KMT2C: variants seen among roughly 807,000 people sequenced by gnomAD.
KMT2C encodes the protein lysine methyltransferase 2C.
In KMT2C, 88 loss-of-function variants were observed where a neutral mutation model predicts 507.9. That is an observed-to-expected ratio of 0.17 (90% confidence interval 0.15 to 0.21). The LOEUF (loss-of-function observed/expected upper bound fraction) is 0.21, where lower values mean the gene tolerates loss of function less well. Among genes scored for constraint, KMT2C ranks in the 10% least tolerant of loss-of-function variants. The pLI, the probability that KMT2C is intolerant of heterozygous loss-of-function variation, is 1.00. For missense variants in KMT2C, 4,954 were observed against 5,957.8 expected (o/e 0.83, Z 5.55); for synonymous variants, 2,049 against 2,080.8 (o/e 0.98, Z 0.42).
chr7:152,351,209 T>C (rs1397626996), intron 2 of KMT2C, among the ~76,000 whole-genome samples: 1 of 152,208 alleles, frequency 6.6e-6, no homozygotes, highest in Non-Finnish European at 1.5e-5. Flanking sequence ...ATAAAAAGTA[T>C]AGTATAGTAA....
At chr7:152,159,111 T>C (rs2092289506) in intron 43 of KMT2C, 39 bp from the exon 44 acceptor site, 1 of 1,588,442 alleles carries the variant, frequency 6.3e-7, no homozygotes, top group East Asian at 2.2e-5. Flanking sequence ...AGTGAACAAT[T>C]TGCATATTTG....
chr7:152,321,993 C>T (rs1403709316), intron 3 of KMT2C, among the ~76,000 whole-genome samples: 1 of 151,568 alleles, frequency 6.6e-6, no homozygotes, highest in Non-Finnish European at 1.5e-5. Flanking sequence ...ATGCTGGATG[C>T]ATCACCCTGT....
chr7:152,294,728 T>C (rs1228488597), intron 6 of KMT2C, among the ~76,000 whole-genome samples: 2 of 152,224 alleles, frequency 1.3e-5, no homozygotes, highest in Admixed American at 6.5e-5. Context: ...AATCTTATAA[T>C]ACAAAAACAC....
chr7:152,271,807 T>C (rs1399890575), intron 7 of KMT2C, among the ~76,000 whole-genome samples: 2 of 152,026 alleles, frequency 1.3e-5, no homozygotes, highest in Non-Finnish European at 2.9e-5. Context: ...TACTGCAAGG[T>C]GGCTACTTTA....
chr7:152,145,397 G>C lies in KMT2C; in HGVS notation c.14032-102C>G, dbSNP rs187620620. 59 of 1,161,498 alleles carry C rather than the reference G, an allele frequency of 5.1e-5. No homozygotes were observed. The African/African-American group carries it at 7.2e-4, about 14-fold the overall frequency. 71.9% of individuals were successfully genotyped at this position (1,161,498 alleles called of 1,614,324 possible). A position where few individuals can be genotyped will look rare whatever the true frequency, so the allele number is the denominator to read the frequency against. On this transcript the variant is annotated intron_variant, in intron 53 of 58. Coordinates refer to ENST00000262189, the MANE Select transcript of KMT2C (RefSeq NM_170606.3). ...GGCCCACGACAGAAATAACTCATCA[G>C]CGTTTTCCCCGATAATAAAATGGTC...
At chr7:152,267,243 C>A (rs1455871524) in intron 7 of KMT2C, among the ~76,000 whole-genome samples, 3 of 152,186 alleles carry the variant, frequency 2.0e-5, no homozygotes, top group African/African-American at 7.2e-5. Context: ...TATTATTGGC[C>A]CTAGAATTCT....
intron 18 of KMT2C, among the ~76,000 whole-genome samples, chr7:152,225,228 T>C (rs1004130597): frequency 2.6e-5 from 4 of 152,166 alleles, no homozygotes; most frequent in African/African-American, 9.7e-5. Flanking sequence ...AATATTAAGA[T>C]TGTGGAACTT....
chr7:152,297,479 A>C (rs562433570), intron 6 of KMT2C, among the ~76,000 whole-genome samples: 13 of 152,326 alleles, frequency 8.5e-5, no homozygotes, highest in Admixed American at 7.2e-4. Context: ...AACCATCAGA[A>C]ACAATGGGAG....
intron 43 of KMT2C, among the ~76,000 whole-genome samples, chr7:152,160,633 ATTTATATT>A (rs1197068061): frequency 2.0e-5 from 3 of 146,660 alleles, no homozygotes; most frequent in Non-Finnish European, 4.5e-5. Flanking sequence ...ATATTTATAT[ATTTATATT>A]TATATATATA....
intron 6 of KMT2C, among the ~76,000 whole-genome samples, chr7:152,278,128 G>T (rs2096122564): frequency 6.6e-6 from 1 of 152,088 alleles, no homozygotes; most frequent in Non-Finnish European, 1.5e-5. Context: ...TCATGGCTTG[G>T]TGCTGTCCTT....
At position 152,435,782 on chromosome 7, in the gene KMT2C, G is replaced by A. The variant is rs556229991; in HGVS notation, c.5C>T (p.Ser2Leu). 38 of 1,361,804 alleles carry A rather than the reference G, an allele frequency of 2.8e-5. No individual in the cohort carries two copies. The South Asian group carries it at 2.9e-4, about 10-fold the overall frequency. The allele number at this position is 1,361,804 out of a possible 1,614,324, so 84.4% of individuals were successfully genotyped here. Residue 2 changes from serine to leucine, a missense_variant, in exon 1 of 59, where the codon TCG (serine) becomes TTG (leucine). Physicochemically the swap from Ser to Leu is moderately radical, Grantham distance 145 (BLOSUM62 -2). Around this residue, in one of 29 missense-constraint regions of KMT2C, gnomAD observed 51 missense variants for 43.5 expected, o/e 1.17. Coordinates refer to ENST00000262189, the MANE Select transcript of KMT2C (RefSeq NM_170606.3). M[S>L]SEEDKSVEQP... Reference sequence around the variant, plus strand: ...CTCCACGCTCTTGTCCTCCTCCGACGACATCCTAGTCACCAGGAAAGACAC... The same window carrying A: ...CTCCACGCTCTTGTCCTCCTCCGACAACATCCTAGTCACCAGGAAAGACAC...
chr7:152,201,617 G>GAAAAAAAAA (rs745427209), intron 26 of KMT2C, among the ~76,000 whole-genome samples: 1 of 22,876 alleles, frequency 4.4e-5, no homozygotes, highest in Non-Finnish European at 1.9e-4. Flanking sequence ...CAACAAAGAT[G>GAAAAAAAAA]AAAAAAAAAA....
intron 26 of KMT2C, 26 bp from the exon 27 acceptor site, chr7:152,199,485 A>C: frequency 7.0e-7 from 1 of 1,420,292 alleles, no homozygotes; most frequent in African/African-American, 1.6e-5. Flanking sequence ...CACATACAAA[A>C]ATGGTTAGAA....
chr7:152,332,035 T>C (rs1421745338), intron 2 of KMT2C, among the ~76,000 whole-genome samples: 1 of 152,180 alleles, frequency 6.6e-6, no homozygotes, highest in Non-Finnish European at 1.5e-5. Flanking sequence ...GCTTCACACT[T>C]TATAAAATCA....
chr7:152,375,862 T>G (rs1165282521), intron 1 of KMT2C, among the ~76,000 whole-genome samples: 1 of 152,192 alleles, frequency 6.6e-6, no homozygotes, highest in Non-Finnish European at 1.5e-5. Context: ...GGTCTTGTTC[T>G]GTCACCCAGG....
intron 14 of KMT2C, among the ~76,000 whole-genome samples, chr7:152,246,227 T>C (rs1392914788): frequency 6.6e-6 from 1 of 152,154 alleles, no homozygotes; most frequent in African/African-American, 2.4e-5. Context: ...GGCTGTTTGC[T>C]AGATAACTAA....
Position 152,148,091 on chromosome 7 carries a change from G to C in KMT2C, c.13836C>G (p.Val4612=), listed in dbSNP as rs955614637. The C allele has an allele frequency of 3.7e-6, 6 of 1,609,604 alleles. No individual in the cohort carries two copies. Among genetic ancestry groups the C allele is most frequent in the African/African-American group, 1.3e-5 (1 of 74,860 alleles). ...CATGGCCTTGTTCCACAATCCTGAT[G>C]ACAAACACTGGGCGCCCATCCTTCT... The part of the protein sequence containing the change: ...IEEKDGRPVF[V]IRIVEQGHED... The change falls in exon 52 of 59, where the codon GTC becomes GTG. Residue 4612 remains valine, a synonymous_variant. Transcript: ENST00000262189. This position sits in a 1 kb window ranked among gnomAD's most constrained non-coding sequence, Gnocchi z 7.1.
chr7:152,190,195 G>A (rs753715092), intron 31 of KMT2C, among the ~76,000 whole-genome samples: 20 of 152,282 alleles, frequency 1.3e-4, no homozygotes, highest in African/African-American at 1.9e-4. Flanking sequence ...AAAGGCTGGG[G>A]ACTGCTGCGT....
At chr7:152,159,695 C>T (rs1011321869) in intron 43 of KMT2C, among the ~76,000 whole-genome samples, 2 of 152,116 alleles carry the variant, frequency 1.3e-5, no homozygotes, top group African/African-American at 4.8e-5. Flanking sequence ...ACAAATAAAC[C>T]TTTTCTTTAT....
Sources: gnomAD v4.1 joint callset for allele counts (sites outside exome capture counted in the v4.1 genomes callset) on GRCh38, gnomAD v4.1.1 for gene constraint, gnomAD v4.1.1 regional missense constraint, Gnocchi (gnomAD v3.1) non-coding constraint, MANE v1.5 for transcripts, NCBI Gene and HGNC (gene_info 2026-07-23, HGNC 2026-07-21) for gene names.